The following YWHAZ variants were observed in gnomAD, a reference collection of about 807,000 sequenced individuals.
The protein encoded by YWHAZ is tyrosine 3-monooxygenase/tryptophan 5-monooxygenase activation protein zeta.
For synonymous variants in YWHAZ, 87 were observed against 103.6 expected (o/e 0.84, Z 0.97); for missense variants, 79 against 284.8 (o/e 0.28, Z 5.20).
At chr8:100,931,063 T>TA (rs34861164) in intron 2 of YWHAZ, among the ~76,000 whole-genome samples, 1 of 151,978 alleles carries the variant, frequency 6.6e-6, no homozygotes, top group Non-Finnish European at 1.5e-5. Context: ...ATTTTAGAGA[T>TA]AAAAGAGATT....
rs1189483386 is a variant in YWHAZ, at chr8:100,924,622, A to G, written c.418+294T>C. On this transcript the variant is annotated intron_variant, in intron 3 of 5. Transcript: ENST00000395958. This position sits in a 1 kb window ranked among gnomAD's most constrained non-coding sequence, Gnocchi z 5.7. ...GCTGGGACCAAAGGCTTGCACCACC[A>G]TGCCCAGCTAATTTTCAAAATATTT... Among the ~76,000 whole-genome samples, 2 of 152,170 alleles carry G rather than the reference A, an allele frequency of 1.3e-5. No homozygotes were observed. The highest frequency in any genetic ancestry group is 6.5e-5 in the Admixed American group (1 of 15,274).
chr8:100,939,627 C>A (rs1464172124), intron 2 of YWHAZ, among the ~76,000 whole-genome samples: 1 of 151,744 alleles, frequency 6.6e-6, no homozygotes, highest in Non-Finnish European at 1.5e-5. Context: ...CCATTGCACT[C>A]CAGCCTGGGC....
At chr8:100,934,179 A>G (rs1272909488) in intron 2 of YWHAZ, among the ~76,000 whole-genome samples, 3 of 149,030 alleles carry the variant, frequency 2.0e-5, no homozygotes, top group South Asian at 2.1e-4. Flanking sequence ...AAAAAAAAAA[A>G]AAAAAAATTA....
chr8:100,938,035 C>T (rs912503971), intron 2 of YWHAZ, among the ~76,000 whole-genome samples: 9 of 152,092 alleles, frequency 5.9e-5, no homozygotes, highest in Admixed American at 1.3e-4. Flanking sequence ...GAAGCTGAGG[C>T]GGGAGAATCA....
In YWHAZ at chr8:100,951,980, G is replaced by C. The variant is rs566742428; in HGVS notation, c.-63C>G. ...GGACGGACGGGCTCAGCAGTCTCTGGGCGGCGGCGGCGGCAGCAGCGGCGA... is the reference window on the plus strand; with the variant it reads ...GGACGGACGGGCTCAGCAGTCTCTGCGCGGCGGCGGCGGCAGCAGCGGCGA... On this transcript the variant is annotated 5_prime_UTR_variant, in exon 1 of 6. Transcript: ENST00000395958. 534 of 1,002,850 alleles carry C rather than the reference G, an allele frequency of 5.3e-4. No homozygotes were observed. Among genetic ancestry groups the C allele is most frequent in the Admixed American group, 5.5e-4 (9 of 16,446 alleles). The allele number at this position is 1,002,850 out of a possible 1,614,324, so 62.1% of individuals were successfully genotyped here.
At chr8:100,953,074 C>T (rs1810916613), upstream of YWHAZ, 1 of 995,524 alleles carries the variant, frequency 1.0e-6, no homozygotes, top group Middle Eastern at 5.2e-4. Flanking sequence ...GGAGGCGCGG[C>T]CGCTTTAGGG....
At chr8:100,953,050 G>A, upstream of YWHAZ, 5 of 999,084 alleles carry the variant, frequency 5.0e-6, no homozygotes, top group Non-Finnish European at 6.0e-6. Context: ...GCCGGCAGGA[G>A]GTGAGGCCTG....
At chr8:100,937,866 C>T (rs1274317338) in intron 2 of YWHAZ, among the ~76,000 whole-genome samples, 1 of 152,240 alleles carries the variant, frequency 6.6e-6, no homozygotes, top group South Asian at 2.1e-4. Context: ...TGCAGTGACT[C>T]ATGCCGGTAA....
At chr8:100,931,369 T>C (rs988987296) in intron 2 of YWHAZ, among the ~76,000 whole-genome samples, 3 of 152,210 alleles carry the variant, frequency 2.0e-5, no homozygotes, top group Non-Finnish European at 2.9e-5. Flanking sequence ...ATATTCCTAA[T>C]GAAAAGTTAA....
intron 2 of YWHAZ, among the ~76,000 whole-genome samples, chr8:100,930,998 AAG>A (rs1005326431): frequency 1.3e-5 from 2 of 152,218 alleles, no homozygotes; most frequent in African/African-American, 4.8e-5. Context: ...ATGGGCTCTG[AAG>A]AGAGGACACT....
chr8:100,921,815 A>C (rs1218540895), intron 5 of YWHAZ, among the ~76,000 whole-genome samples: 1 of 152,238 alleles, frequency 6.6e-6, no homozygotes, highest in Non-Finnish European at 1.5e-5. Context: ...CAATGTTAAA[A>C]ATGTTGAAGT....
At position 100,948,639 on chromosome 8, in the gene YWHAZ, T is replaced by C. The variant is rs766844267; in HGVS notation, c.251A>G (p.Glu84Gly). 6.2e-7 allele frequency: 1 copy of C among 1,610,516 alleles called. No individual in the cohort carries two copies. The highest frequency in any genetic ancestry group is 1.1e-5 in the South Asian group (1 of 90,996). ...ATCTCTTAGCTCCGTCTCAATTTTC[T>C]CTCTGTATTCTCGAGCCATCTGCTG... is the stretch of plus-strand genomic sequence containing the variant. ...KKQQMAREYR[E>G]KIETELRDIC... The change falls in exon 2 of 6, where the codon GAG becomes GGG. Residue 84 changes from glutamate (E) to glycine (G), a missense_variant. Coordinates refer to ENST00000395958, the MANE Select transcript of YWHAZ (RefSeq NM_145690.3). This position sits in a 1 kb window ranked among gnomAD's most constrained non-coding sequence, Gnocchi z 4.2.
intron 2 of YWHAZ, among the ~76,000 whole-genome samples, chr8:100,940,105 G>T (rs1162287809): frequency 7.2e-6 from 1 of 139,548 alleles, no homozygotes; most frequent in East Asian, 2.1e-4. Context: ...GTATCAAAAA[G>T]AACTTATATC....
At position 100,944,834 on chromosome 8, in the gene YWHAZ, T is replaced by C. The variant is rs1810146420; in HGVS notation, c.294+3762A>G. 2.6e-5 allele frequency among the ~76,000 whole-genome samples: 4 copies of C among 152,216 alleles called. No individual in the cohort carries two copies. In the South Asian group the frequency reaches 8.3e-4, roughly 32 times the overall value. On this transcript the variant is annotated intron_variant, in intron 2 of 5. Transcript: ENST00000395958. ...TATTCCTATTTAATTGAGCTTAGTTTTCTCAGAGGGACTGAGTGATTTCCT... is the reference window on the plus strand; with the variant it reads ...TATTCCTATTTAATTGAGCTTAGTTCTCTCAGAGGGACTGAGTGATTTCCT...
intron 2 of YWHAZ, among the ~76,000 whole-genome samples, chr8:100,943,986 CAAAAAAAAAAAGAAAAAAGAA>C (rs1309844766): frequency 8.6e-6 from 1 of 116,494 alleles, no homozygotes; most frequent in East Asian, 2.4e-4. Flanking sequence ...GACTCCGTCT[CAAAAAAAAAAAGAAAAAAGAA>C]AAAAAGAAAA....
chr8:100,927,695 G>A (rs1037481982), intron 2 of YWHAZ, among the ~76,000 whole-genome samples: 2 of 152,128 alleles, frequency 1.3e-5, no homozygotes, highest in Non-Finnish European at 2.9e-5. Flanking sequence ...TTTAGGAAAG[G>A]TGTTGATAAA....
intron 2 of YWHAZ, among the ~76,000 whole-genome samples, chr8:100,930,723 G>C (rs571576124): frequency 6.6e-6 from 1 of 152,158 alleles, no homozygotes; most frequent in South Asian, 2.1e-4. Flanking sequence ...GGAATGCAGT[G>C]GCCCCATCAT....
intron 2 of YWHAZ, among the ~76,000 whole-genome samples, chr8:100,933,133 G>A (rs2130206641): frequency 6.6e-6 from 1 of 152,226 alleles, no homozygotes; most frequent in East Asian, 1.9e-4. Flanking sequence ...GGCCGAGGTG[G>A]GTGGATCATG....
At chr8:100,952,760 C>G (rs997641731), upstream of YWHAZ, 1 of 993,404 alleles carries the variant, frequency 1.0e-6, no homozygotes. Flanking sequence ...GGTGCGCTGC[C>G]CCCCGCCCCG....
Sources: allele counts gnomAD v4.1 joint callset (sites outside exome capture counted in the v4.1 genomes callset), GRCh38; gene constraint gnomAD v4.1.1; non-coding constraint Gnocchi (gnomAD v3.1); transcripts MANE v1.5; gene names NCBI Gene and HGNC (gene_info 2026-07-23, HGNC 2026-07-21).